The following ESRRG variants were observed in gnomAD, a reference collection of about 807,000 sequenced individuals.
The protein encoded by ESRRG is estrogen related receptor gamma.
Under a neutral mutation model 44.0 loss-of-function variants are expected in ESRRG, and 13 were observed. The ratio of observed to expected loss-of-function variants is 0.30; its 90% confidence interval spans 0.19 to 0.47. ESRRG has a LOEUF of 0.47. Among genes scored for constraint, ESRRG ranks in the 20% least tolerant of loss-of-function variants. ESRRG has a pLI of 1.00. For synonymous variants in ESRRG, 215 were observed against 214.6 expected (o/e 1.00, Z -0.02); for missense variants, 395 against 580.6 (o/e 0.68, Z 3.29).
At chr1:216,817,631 T>A (rs1035245328) in intron 2 of ESRRG, among the ~76,000 whole-genome samples, 10 of 152,242 alleles carry the variant, frequency 6.6e-5, no homozygotes, top group Admixed American at 5.9e-4. Context: ...TTCCATTTTT[T>A]AATTTCATGC....
At chr1:216,534,162 G>A (rs2050209693) in intron 5 of ESRRG, among the ~76,000 whole-genome samples, 1 of 152,132 alleles carries the variant, frequency 6.6e-6, no homozygotes, top group Non-Finnish European at 1.5e-5. Context: ...AAAGGTAGTT[G>A]CTCCCACGAA....
chr1:217,020,813 G>A (rs1321997374), intron 1 of ESRRG, among the ~76,000 whole-genome samples: 1 of 152,100 alleles, frequency 6.6e-6, no homozygotes, highest in Non-Finnish European at 1.5e-5. Context: ...CATTTGTTGT[G>A]CTGAAAACAA....
intron 1 of ESRRG, among the ~76,000 whole-genome samples, chr1:217,101,911 A>G (rs1336405030): frequency 1.3e-5 from 2 of 152,076 alleles, no homozygotes; most frequent in South Asian, 4.1e-4. Flanking sequence ...GGTTCAAGTG[A>G]TTCTCCTGCC....
chr1:216,723,362 C>T lies in ESRRG; in HGVS notation c.-63G>A, dbSNP rs2086788670. The T allele has an allele frequency of 3.3e-6, 5 of 1,494,772 alleles. No homozygotes were observed. Among genetic ancestry groups the T allele is most frequent in the Non-Finnish European group, 3.7e-6 (4 of 1,072,022 alleles). 92.6% of individuals were successfully genotyped at this position (1,494,772 alleles called of 1,614,324 possible). ...AAATCAAAGTTTCCTTGACAGAGCA[C>T]AGTGCAATTAACACAAATGTTCTCC... On this transcript the variant is annotated 5_prime_UTR_variant, in exon 1 of 7. The change creates a new upstream start codon in the 5' untranslated region. Coordinates refer to ENST00000408911, the MANE Select transcript of ESRRG (RefSeq NM_001438.4).
chr1:216,943,148 G>A (rs1049260440), intron 1 of ESRRG, among the ~76,000 whole-genome samples: 13 of 152,154 alleles, frequency 8.5e-5, no homozygotes, highest in Non-Finnish European at 1.3e-4. Context: ...GCATTACAAC[G>A]TGAATGATCT....
chr1:216,993,741 A>C (rs570882823), intron 1 of ESRRG, among the ~76,000 whole-genome samples: 1 of 152,228 alleles, frequency 6.6e-6, no homozygotes, highest in Non-Finnish European at 1.5e-5. Flanking sequence ...TGGCTCAAAA[A>C]ATATTGGGTA....
intron 1 of ESRRG, among the ~76,000 whole-genome samples, chr1:217,074,048 CTT>C (rs1181569293): frequency 5.1e-4 from 68 of 134,306 alleles, no homozygotes; most frequent in African/African-American, 1.1e-3. Flanking sequence ...ATTATGAATG[CTT>C]TTTTTTTTTT....
At chr1:217,008,970 T>C (rs1419634494) in intron 1 of ESRRG, among the ~76,000 whole-genome samples, 1 of 152,220 alleles carries the variant, frequency 6.6e-6, no homozygotes, top group African/African-American at 2.4e-5. Flanking sequence ...GATCACCTGA[T>C]GTGATCATAT....
At chr1:216,872,440 CT>C (rs529504934) in intron 2 of ESRRG, among the ~76,000 whole-genome samples, 34 of 151,832 alleles carry the variant, frequency 2.2e-4, no homozygotes, top group Non-Finnish European at 3.5e-4. Flanking sequence ...AATGTTAAAC[CT>C]TTTTTTTAAA....
At chr1:216,779,354 ATT>A (rs1366354266) in intron 2 of ESRRG, among the ~76,000 whole-genome samples, 42 of 87,128 alleles carry the variant, frequency 4.8e-4, no homozygotes, top group Non-Finnish European at 5.8e-4. Context: ...AACATAAAAT[ATT>A]TATATTTATT....
chr1:216,617,273 T>C (rs560326634), intron 3 of ESRRG, among the ~76,000 whole-genome samples: 83 of 152,176 alleles, frequency 5.5e-4, no homozygotes, highest in African/African-American at 2.0e-3. Flanking sequence ...ATTAAAAGAA[T>C]CGTGGCTGAA....
chr1:216,752,502 G>T (rs1353888789), intron 2 of ESRRG, among the ~76,000 whole-genome samples: 4 of 152,084 alleles, frequency 2.6e-5, no homozygotes, highest in Non-Finnish European at 5.9e-5. Context: ...TTTCTTTCCT[G>T]AAGCAAACAG....
intron 1 of ESRRG, among the ~76,000 whole-genome samples, chr1:216,704,339 C>G (rs1438684623): frequency 6.6e-6 from 1 of 152,104 alleles, no homozygotes; most frequent in East Asian, 1.9e-4. Flanking sequence ...CATGGTGAAA[C>G]CCTATCTCTA....
chr1:216,937,106 G>A (rs569060920), intron 2 of ESRRG, among the ~76,000 whole-genome samples: 106 of 150,534 alleles, frequency 7.0e-4, no homozygotes, highest in Middle Eastern at 6.8e-3. Context: ...ACTCTGTATA[G>A]TAACAAAAAA....
intron 1 of ESRRG, among the ~76,000 whole-genome samples, chr1:216,720,422 C>G (rs966202610): frequency 2.0e-5 from 3 of 151,952 alleles, no homozygotes; most frequent in African/African-American, 7.3e-5. Context: ...ATGTGAGCTC[C>G]AAGTCTAGAG....
intron 1 of ESRRG, among the ~76,000 whole-genome samples, chr1:217,011,212 TA>T (rs1465685988): frequency 6.6e-6 from 1 of 152,194 alleles, no homozygotes; most frequent in Non-Finnish European, 1.5e-5. Context: ...TGACTATCAC[TA>T]AAAGATGCCA....
rs560111271 is a variant in ESRRG at position 216,547,714 on chromosome 1, A to G, written c.862+16505T>C. ...TGTATTAATGTTTGTTTTTGTACAC[A>G]TTAGTAGCAGGAGTACACCAATAAC... On this transcript the variant is annotated intron_variant, in intron 5 of 6. Transcript: ENST00000408911. Among the ~76,000 whole-genome samples the G allele has an allele frequency of 6.6e-5, 10 of 152,212 alleles. No individual in the cohort carries two copies. In the South Asian group the frequency reaches 1.9e-3, roughly 28 times the overall value.
chr1:216,949,539 T>A (rs536932533), intron 1 of ESRRG, among the ~76,000 whole-genome samples: 3 of 152,264 alleles, frequency 2.0e-5, no homozygotes, highest in Non-Finnish European at 4.4e-5. Flanking sequence ...ACATCATAGT[T>A]AGCACCCATG....
chr1:217,082,370 T>C (rs1319074274), intron 1 of ESRRG, among the ~76,000 whole-genome samples: 1 of 152,188 alleles, frequency 6.6e-6, no homozygotes, highest in Non-Finnish European at 1.5e-5. Flanking sequence ...CTGACTCAAC[T>C]CTCATATCCA....
Sources: allele counts gnomAD v4.1 joint callset (sites outside exome capture counted in the v4.1 genomes callset), GRCh38; gene constraint gnomAD v4.1.1; transcripts MANE v1.5; gene names NCBI Gene and HGNC (gene_info 2026-07-23, HGNC 2026-07-21).